The following PRKG2 variants were observed in gnomAD, a reference collection of about 807,000 sequenced individuals.
PRKG2 encodes the protein cGMP-dependent protein kinase 2.
A neutral mutation model predicts 97.2 loss-of-function variants in PRKG2; 33 were observed. The ratio of observed to expected loss-of-function variants is 0.34; its 90% CI spans 0.26 to 0.45. PRKG2 has a LOEUF of 0.45. PRKG2 is among the 20% of genes least tolerant of loss of function. PRKG2 has a pLI of 1.00. For synonymous variants in PRKG2, 330 were observed against 321.8 expected, an observed-to-expected ratio of 1.03 and a Z score of -0.27; for missense variants, 638 against 900.0, an observed-to-expected ratio of 0.71 and a Z score of 3.73.
In PRKG2 at chr4:81,126,737, T is replaced by C. The variant is rs561939604; in HGVS notation, c.1776+8418A>G. Among the ~76,000 whole-genome samples the C allele has an allele frequency of 1.6e-4, 25 of 152,314 alleles. No homozygotes were observed. In the South Asian group the frequency reaches 5.0e-3, roughly 30 times the overall value. ...TTTGATGGTTTTTTTTTCTTGTAAA[T>C]TTTTTTAAGTTTCTTGTAGATTCTG... On this transcript the variant is annotated intron_variant, in intron 14 of 18. Transcript: ENST00000264399.
chr4:81,105,956 A>G, intron 15 of PRKG2, 21 bp from the exon 16 acceptor site: 3 of 1,608,794 alleles, frequency 1.9e-6, no homozygotes, highest in Non-Finnish European at 2.5e-6. Context: ...AAAATCCAGA[A>G]CAGGACACAT....
chr4:81,187,637 A>C (rs1327926110), intron 2 of PRKG2, among the ~76,000 whole-genome samples: 1 of 152,218 alleles, frequency 6.6e-6, no homozygotes, highest in East Asian at 1.9e-4. Flanking sequence ...AGAGAAAAAA[A>C]ATAAAGGGTA....
intron 6 of PRKG2, among the ~76,000 whole-genome samples, chr4:81,164,111 G>C (rs1015636307): frequency 6.6e-6 from 1 of 152,176 alleles, no homozygotes; most frequent in Non-Finnish European, 1.5e-5. Flanking sequence ...CAAAGAACCA[G>C]ATACTACAAA....
intron 17 of PRKG2, among the ~76,000 whole-genome samples, chr4:81,101,622 C>T (rs1322262723): frequency 1.3e-5 from 2 of 150,836 alleles, no homozygotes; most frequent in East Asian, 2.0e-4. Context: ...TGTTAAATGA[C>T]GAGTTACTGA....
chr4:81,170,405 C>G (rs1373219182), intron 4 of PRKG2, among the ~76,000 whole-genome samples: 1 of 151,934 alleles, frequency 6.6e-6, no homozygotes, highest in Non-Finnish European at 1.5e-5. Flanking sequence ...TCTAAAAAAT[C>G]TAGATGAAAT....
chr4:81,092,931 C>G (rs111331963), intron 17 of PRKG2, among the ~76,000 whole-genome samples: 1 of 152,082 alleles, frequency 6.6e-6, no homozygotes, highest in Non-Finnish European at 1.5e-5. Context: ...AGGAACCAGC[C>G]GTACTTTTGT....
chr4:81,200,825 G>T (rs1658427662), intron 2 of PRKG2, among the ~76,000 whole-genome samples: 1 of 152,180 alleles, frequency 6.6e-6, no homozygotes, highest in East Asian at 1.9e-4. Context: ...GATTCATCAT[G>T]AAATTTATAA....
At chr4:81,203,706 G>T (rs183390745) in intron 2 of PRKG2, among the ~76,000 whole-genome samples, 7 of 152,120 alleles carry the variant, frequency 4.6e-5, no homozygotes, top group Admixed American at 4.6e-4. Flanking sequence ...ATAAAGAAAT[G>T]CATACACACA....
At chr4:81,097,963 A>G (rs969252330) in intron 17 of PRKG2, among the ~76,000 whole-genome samples, 2 of 152,126 alleles carry the variant, frequency 1.3e-5, no homozygotes, top group Admixed American at 6.6e-5. Context: ...CTTTCTTACC[A>G]TGTGCATTGT....
chr4:81,132,960 T>C (rs947831098), intron 14 of PRKG2, among the ~76,000 whole-genome samples: 1 of 152,096 alleles, frequency 6.6e-6, no homozygotes, highest in African/African-American at 2.4e-5. Flanking sequence ...TGAATGCCTA[T>C]GGTAGCTTTT....
At chr4:81,112,641 A>G (rs1744100735) in intron 14 of PRKG2, among the ~76,000 whole-genome samples, 1 of 152,186 alleles carries the variant, frequency 6.6e-6, no homozygotes, top group Admixed American at 6.5e-5. Context: ...CAATACTTAT[A>G]TTAAAATTTC....
chr4:81,212,293 C>A (rs1754018857), intron 1 of PRKG2, among the ~76,000 whole-genome samples: 1 of 150,004 alleles, frequency 6.7e-6, no homozygotes. Context: ...CTCCCTCCCA[C>A]CCCCCCAGCA....
intron 14 of PRKG2, among the ~76,000 whole-genome samples, chr4:81,132,010 C>T (rs919434748): frequency 5.3e-5 from 8 of 152,052 alleles, no homozygotes; most frequent in Middle Eastern, 3.5e-3. Flanking sequence ...AATATTGAAT[C>T]TTAGAGAGTA....
intron 17 of PRKG2, among the ~76,000 whole-genome samples, chr4:81,104,114 G>A (rs1185252761): frequency 1.3e-5 from 2 of 152,122 alleles, no homozygotes; most frequent in Admixed American, 6.6e-5. Context: ...AATTTGCTAT[G>A]ACTTGAAGAT....
chr4:81,140,631 C>G lies in PRKG2; in HGVS notation c.1446G>C (p.Lys482Asn). The change falls in exon 12 of 19, where the codon AAG (lysine) becomes AAC (asparagine). Residue 482 changes from lysine to asparagine, a missense_variant. By Grantham distance (94) the Lys-to-Asn change is moderately conservative. Around this residue, in one of 3 missense-constraint regions of PRKG2, gnomAD observed 304 missense variants for 460.5 expected, o/e 0.66. Coordinates refer to ENST00000264399, the MANE Select transcript of PRKG2 (RefSeq NM_006259.3). ...CAACTATGTGCTTCTTCCTTATACA[C>G]TTCATAGCAAAAGCAACATTCTCAT... ...VKNENVAFAMKCIRKKHIVDT... is the reference protein window; with the variant it reads ...VKNENVAFAMNCIRKKHIVDT... 6.2e-7 allele frequency: 1 copy of G among 1,610,458 alleles called. No individual in the cohort carries two copies. The highest frequency in any genetic ancestry group is 8.5e-7 in the Non-Finnish European group (1 of 1,177,206).
intron 14 of PRKG2, among the ~76,000 whole-genome samples, chr4:81,131,760 G>A (rs1746199885): frequency 6.6e-6 from 1 of 152,078 alleles, no homozygotes; most frequent in Non-Finnish European, 1.5e-5. Context: ...TTTGCTGACT[G>A]TACATGTTTA....
chr4:81,170,906 T>C (rs1176318362), intron 4 of PRKG2, among the ~76,000 whole-genome samples: 4 of 151,980 alleles, frequency 2.6e-5, no homozygotes, highest in Admixed American at 2.0e-4. Context: ...CATGTGTCTA[T>C]GTAGTAAAAA....
intron 10 of PRKG2, 62 bp downstream of exon 10, chr4:81,144,170 C>T: frequency 6.9e-7 from 1 of 1,449,506 alleles, no homozygotes; most frequent in Non-Finnish European, 9.7e-7. Flanking sequence ...CCCTCTGTCC[C>T]CTTCTTTATT....
In PRKG2 at chr4:81,201,374, A is replaced by G. The variant is rs540527223; in HGVS notation, c.461+3213T>C. Reference sequence around the variant, plus strand: ...TACTTCCATCACTGAAGAAAGTTCTACTGGACAGCACTGAATCTAGAACCT... The same window carrying G: ...TACTTCCATCACTGAAGAAAGTTCTGCTGGACAGCACTGAATCTAGAACCT... On this transcript the variant is annotated intron_variant, in intron 2 of 18. Coordinates refer to ENST00000264399, the MANE Select transcript of PRKG2 (RefSeq NM_006259.3). Among the ~76,000 whole-genome samples, 4 of 152,324 alleles carry G rather than the reference A, an allele frequency of 2.6e-5. No individual in the cohort carries two copies. In the East Asian group the frequency reaches 7.7e-4, roughly 29 times the overall value.
Sources: gnomAD v4.1 joint callset for allele counts (sites outside exome capture counted in the v4.1 genomes callset) on GRCh38, gnomAD v4.1.1 for gene constraint, gnomAD v4.1.1 regional missense constraint, MANE v1.5 for transcripts, NCBI Gene and HGNC (gene_info 2026-07-23, HGNC 2026-07-21) for gene names.